DSCAM: variants seen among roughly 807,000 people sequenced by gnomAD.
DSCAM encodes DS cell adhesion molecule.
DSCAM carries 47 observed loss-of-function variants against 217.7 expected under a neutral mutation model. That is an observed-to-expected ratio of 0.22 (90% CI 0.17 to 0.28). DSCAM has a LOEUF of 0.28. Among genes scored for constraint, DSCAM ranks in the 10% least tolerant of loss-of-function variants. The probability of loss-of-function intolerance (pLI) is 1.00; values close to 1 mark genes in which losing one functional copy is unlikely to be tolerated. For synonymous variants in DSCAM, 1,056 were observed against 1,015.3 expected, an observed-to-expected ratio of 1.04 and a Z score of -0.76; for missense variants, 2,080 against 2,618.3, an observed-to-expected ratio of 0.79 and a Z score of 4.49.
chr21:40,082,724 C>T (rs2089480865), intron 24 of DSCAM, among the ~76,000 whole-genome samples: 1 of 150,966 alleles, frequency 6.6e-6, no homozygotes, highest in South Asian at 2.1e-4. Flanking sequence ...AAGATCTTCC[C>T]TTCACCCATT....
chr21:40,391,092 C>T (rs1369909031), intron 3 of DSCAM, among the ~76,000 whole-genome samples: 1 of 152,164 alleles, frequency 6.6e-6, no homozygotes. Context: ...ATGATGCAGA[C>T]CGCATGAAAT....
intron 27 of DSCAM, among the ~76,000 whole-genome samples, chr21:40,072,241 T>G (rs904681227): frequency 6.6e-6 from 1 of 152,330 alleles, no homozygotes; most frequent in East Asian, 1.9e-4. Context: ...CTACAGTGGT[T>G]TGTCAAACTG....
At chr21:40,658,856 T>A (rs887379703) in intron 3 of DSCAM, among the ~76,000 whole-genome samples, 24 of 152,190 alleles carry the variant, frequency 1.6e-4, no homozygotes, top group Non-Finnish European at 2.9e-4. Flanking sequence ...AAGAATCAAA[T>A]AAAATCATAA....
In DSCAM at chr21:40,167,379, C is replaced by A. The variant is rs892558806; in HGVS notation, c.2948-91G>T. ...GCCAAAGGTGGTCCCCGAGGACAAC[C>A]CATCCCTATGTTTGGCACAGAGAAA... On this transcript the variant is annotated intron_variant, in intron 15 of 32. Transcript: ENST00000400454. 8 of 1,110,304 alleles carry A rather than the reference C, an allele frequency of 7.2e-6. No homozygotes were observed. In the African/African-American group the frequency reaches 1.2e-4, roughly 17 times the overall value. The allele number at this position is 1,110,304 out of a possible 1,614,324, so 68.8% of individuals were successfully genotyped here. A position where few individuals can be genotyped will look rare whatever the true frequency, so the allele number is the denominator to read the frequency against.
intron 1 of DSCAM, among the ~76,000 whole-genome samples, chr21:40,770,133 A>G (rs1312553255): frequency 6.6e-6 from 1 of 152,180 alleles, no homozygotes; most frequent in African/African-American, 2.4e-5. Context: ...TCAAAATTAT[A>G]TCCAATTATC....
chr21:40,045,389 A>G (rs1161449342), intron 30 of DSCAM, among the ~76,000 whole-genome samples: 1 of 152,206 alleles, frequency 6.6e-6, no homozygotes, highest in Non-Finnish European at 1.5e-5. Context: ...GTTATTTAAT[A>G]TGGAGAACAA....
intron 3 of DSCAM, among the ~76,000 whole-genome samples, chr21:40,421,617 G>A (rs547735858): frequency 6.6e-6 from 1 of 152,302 alleles, no homozygotes; most frequent in South Asian, 2.1e-4. Context: ...TTCTTTTACT[G>A]CCTCTCACAG....
intron 1 of DSCAM, among the ~76,000 whole-genome samples, chr21:40,811,751 T>G (rs889916286): frequency 6.6e-6 from 1 of 152,156 alleles, no homozygotes; most frequent in Non-Finnish European, 1.5e-5. Flanking sequence ...CTCATTTTGG[T>G]TTTTTGAGAA....
intron 32 of DSCAM, among the ~76,000 whole-genome samples, chr21:40,014,285 G>T (rs894466328): frequency 2.0e-5 from 3 of 152,244 alleles, no homozygotes; most frequent in Non-Finnish European, 4.4e-5. Flanking sequence ...CAGTACTGGG[G>T]ACACTGAGGC....
chr21:40,680,957 T>G (rs1021822136), intron 3 of DSCAM, among the ~76,000 whole-genome samples: 1 of 152,214 alleles, frequency 6.6e-6, no homozygotes, highest in African/African-American at 2.4e-5. Context: ...CCTTGGACAG[T>G]CAATACAACT....
intron 1 of DSCAM, among the ~76,000 whole-genome samples, chr21:40,809,326 A>C (rs1049822134): frequency 3.3e-5 from 5 of 152,188 alleles, no homozygotes; most frequent in Admixed American, 6.5e-5. Context: ...CCGATCTATA[A>C]AGAAAGTAGA....
At chr21:40,709,949 CCCA>C (rs1203321782) in intron 1 of DSCAM, among the ~76,000 whole-genome samples, 3 of 152,204 alleles carry the variant, frequency 2.0e-5, no homozygotes, top group Non-Finnish European at 4.4e-5. Flanking sequence ...AATTTACACT[CCCA>C]CCAACAGTGT....
intron 32 of DSCAM, among the ~76,000 whole-genome samples, chr21:40,013,888 A>G (rs1195489376): frequency 1.3e-5 from 2 of 152,240 alleles, no homozygotes; most frequent in African/African-American, 2.4e-5. Context: ...ATGGGTCTTC[A>G]TGATGGCTTT....
intron 3 of DSCAM, among the ~76,000 whole-genome samples, chr21:40,655,132 T>C (rs1363325276): frequency 6.6e-6 from 1 of 152,162 alleles, no homozygotes; most frequent in Non-Finnish European, 1.5e-5. Context: ...GCCACACTCA[T>C]GCACCCATCT....
chr21:40,630,484 A>C (rs1204678721), intron 3 of DSCAM, among the ~76,000 whole-genome samples: 2 of 152,174 alleles, frequency 1.3e-5, no homozygotes, highest in African/African-American at 2.4e-5. Flanking sequence ...TTTTTAGTAA[A>C]GACAGGGTTT....
At chr21:40,318,743 T>A (rs1046693504) in intron 8 of DSCAM, among the ~76,000 whole-genome samples, 1 of 152,208 alleles carries the variant, frequency 6.6e-6, no homozygotes, top group African/African-American at 2.4e-5. Context: ...ATAAGGATAT[T>A]GCTGGAGCCG....
chr21:40,109,256 AG>A (rs2146630027), intron 20 of DSCAM, among the ~76,000 whole-genome samples: 1 of 152,358 alleles, frequency 6.6e-6, no homozygotes, highest in South Asian at 2.1e-4. Context: ...CATCTGACAA[AG>A]GTCTAATATT....
At chr21:40,592,112 C>A (rs1023215291) in intron 3 of DSCAM, among the ~76,000 whole-genome samples, 1 of 152,098 alleles carries the variant, frequency 6.6e-6, no homozygotes, top group African/African-American at 2.4e-5. Flanking sequence ...TCCAGGAAGG[C>A]AGTAATACCC....
intron 4 of DSCAM, among the ~76,000 whole-genome samples, chr21:40,363,599 T>C (rs980945862): frequency 6.6e-6 from 1 of 152,166 alleles, no homozygotes; most frequent in African/African-American, 2.4e-5. Context: ...AAGGATTTTA[T>C]GCATTTTTTA....
Sources: gnomAD v4.1 joint callset for allele counts (sites outside exome capture counted in the v4.1 genomes callset) on GRCh38, gnomAD v4.1.1 for gene constraint, MANE v1.5 for transcripts, NCBI Gene and HGNC (gene_info 2026-07-23, HGNC 2026-07-21) for gene names.